Variants in PLXNA2 observed in about 807,000 individuals in gnomAD.
PLXNA2 encodes the protein plexin A2.
In PLXNA2, 91 loss-of-function variants were observed where a neutral mutation model predicts 193.5. That is an observed-to-expected ratio of 0.47 (90% CI 0.40 to 0.56). PLXNA2 has a LOEUF of 0.56. Ranked by LOEUF, PLXNA2 falls within the 20% of genes least tolerant of loss-of-function variation. The pLI is 0.00. For synonymous variants in PLXNA2, 997 were observed against 1,027.3 expected (o/e 0.97, Z 0.56); for missense variants, 1,995 against 2,503.2 (o/e 0.80, Z 4.33).
chr1:208,099,575 T>G (rs1007948324), intron 5 of PLXNA2, among the ~76,000 whole-genome samples: 1 of 152,032 alleles, frequency 6.6e-6, no homozygotes, highest in African/African-American at 2.4e-5. Context: ...TTATTTTTGT[T>G]TGTTTGTTTT....
At chr1:208,216,472 C>G (rs1355183359) in intron 2 of PLXNA2, among the ~76,000 whole-genome samples, 5 of 152,214 alleles carry the variant, frequency 3.3e-5, no homozygotes, top group Non-Finnish European at 1.5e-5. Context: ...ACAGCTGAAG[C>G]CTGCAGCATT....
At chr1:208,229,020 A>G (rs972444756) in intron 1 of PLXNA2, among the ~76,000 whole-genome samples, 13 of 152,174 alleles carry the variant, frequency 8.5e-5, no homozygotes, top group African/African-American at 3.1e-4. Flanking sequence ...AGAGGAGGAA[A>G]GGGGAAAACC....
intron 17 of PLXNA2, among the ~76,000 whole-genome samples, 191 bp downstream of exon 17, chr1:208,050,818 G>A (rs1167858035): frequency 6.6e-6 from 1 of 151,946 alleles, no homozygotes; most frequent in Non-Finnish European, 1.5e-5. Context: ...GACAGGGTGA[G>A]GCCATGTCTT....
At chr1:208,166,639 C>T (rs1290466132) in intron 3 of PLXNA2, among the ~76,000 whole-genome samples, 8 of 152,096 alleles carry the variant, frequency 5.3e-5, no homozygotes, top group Admixed American at 5.2e-4. Flanking sequence ...GAGATAAAGT[C>T]CATGGGTTCC....
At chr1:208,037,611 C>G (rs1664713306) in intron 26 of PLXNA2, among the ~76,000 whole-genome samples, 1 of 152,144 alleles carries the variant, frequency 6.6e-6, no homozygotes, top group East Asian at 1.9e-4. Flanking sequence ...TTTTCTGAAT[C>G]CCAACCTGTC....
chr1:208,080,851 C>G (rs12031641), intron 11 of PLXNA2, among the ~76,000 whole-genome samples: 13,589 of 152,204 alleles, frequency 0.089, 919 homozygotes, highest in East Asian at 0.34. Flanking sequence ...TAAAGGGGAA[C>G]AGTCATTCAT....
At position 208,217,877 on chromosome 1, in the gene PLXNA2, G is replaced by A. The variant is rs765411989; in HGVS notation, c.46C>T (p.Arg16Cys). The A allele has an allele frequency of 2.5e-5, 41 of 1,612,774 alleles. No individual in the cohort carries two copies. Among genetic ancestry groups the A allele is most frequent in the East Asian group, 6.7e-5 (3 of 44,878 alleles). ...ACCACTGAGAGCAGGACCACAGAGC[G>A]GCTGTCCACCTCCAGGGCCCGGGGC... ...PWPRALEVDS[R>C]SVVLLSVVWV... Residue 16 changes from arginine to cysteine, a missense_variant, in exon 2 of 32, where the codon CGC (arginine) becomes TGC (cysteine). Arg to Cys is a radical substitution (Grantham distance 180). Transcript: ENST00000367033. The surrounding 1 kb of genome is among the most constrained non-coding windows in gnomAD (Gnocchi z 4.7).
At chr1:208,239,132 T>C (rs1454999478) in intron 1 of PLXNA2, among the ~76,000 whole-genome samples, 1 of 149,304 alleles carries the variant, frequency 6.7e-6, no homozygotes, top group Non-Finnish European at 1.5e-5. Flanking sequence ...ATATATCTCA[T>C]CTATTAATAT....
chr1:208,176,244 C>T (rs960638161), intron 3 of PLXNA2, among the ~76,000 whole-genome samples: 1 of 152,142 alleles, frequency 6.6e-6, no homozygotes, highest in African/African-American at 2.4e-5. Context: ...GTCCCAGTGG[C>T]CTGCAACTAA....
At position 208,092,874 on chromosome 1, in the gene PLXNA2, A is replaced by G; in HGVS notation, c.2009T>C (p.Phe670Ser). 6.2e-7 allele frequency: 1 copy of G among 1,613,958 alleles called. No homozygotes were observed. The highest frequency in any genetic ancestry group is 8.5e-7 in the Non-Finnish European group (1 of 1,179,908). The change falls in exon 9 of 32, where the codon TTC becomes TCC. Residue 670 changes from phenylalanine (F) to serine (S), a missense_variant. Phe to Ser is a radical substitution (Grantham distance 155). Transcript: ENST00000367033. ...QLCLSCVNSA[F>S]RCHWCKYRNL... ...GCGGTACTTGCACCAATGGCAGCGG[A>G]AGGCGCTGTTGACACAGGACAGGCA...
chr1:208,068,821 T>G (rs1289078422), intron 12 of PLXNA2, among the ~76,000 whole-genome samples: 1 of 152,220 alleles, frequency 6.6e-6, no homozygotes, highest in Non-Finnish European at 1.5e-5. Flanking sequence ...ATTCAGCTGT[T>G]CCCTCCTCCC....
chr1:208,080,725 C>A (rs567972523), intron 11 of PLXNA2, among the ~76,000 whole-genome samples: 1 of 152,320 alleles, frequency 6.6e-6, no homozygotes, highest in South Asian at 2.1e-4. Flanking sequence ...TGAGTACACA[C>A]TGAGCATCTA....
At position 208,044,565 on chromosome 1, in the gene PLXNA2, G is replaced by A. The variant is rs778435254; in HGVS notation, c.3817C>T (p.Arg1273Trp). ...KSRENDLTLK[R>W]LQMQMDNLES... ...AGATTGTCCATCTGCATTTGCAGCCGCTTGAGAGTGAGGTCATTTTCTCGA... is the reference window on the plus strand; with the variant it reads ...AGATTGTCCATCTGCATTTGCAGCCACTTGAGAGTGAGGTCATTTTCTCGA... Residue 1273 changes from arginine to tryptophan, a missense_variant, in exon 20 of 32, where the codon CGG (arginine) becomes TGG (tryptophan). By Grantham distance (101) the Arg-to-Trp change is moderately radical. Around this residue, in one of 3 missense-constraint regions of PLXNA2, gnomAD observed 1,291 missense variants for 1,673.6 expected, o/e 0.77. Coordinates refer to ENST00000367033, the MANE Select transcript of PLXNA2 (RefSeq NM_025179.4). The surrounding 1 kb of genome is among the most constrained non-coding windows in gnomAD (Gnocchi z 4.9). 2.0e-5 allele frequency: 32 copies of A among 1,613,976 alleles called. No homozygotes were observed. In the African/African-American group the frequency reaches 2.1e-4, roughly 11 times the overall value.
chr1:208,174,454 G>A (rs929247680), intron 3 of PLXNA2, among the ~76,000 whole-genome samples: 41 of 152,160 alleles, frequency 2.7e-4, no homozygotes, highest in African/African-American at 8.2e-4. Flanking sequence ...AGGGAAGAAG[G>A]CATTGTCAAA....
chr1:208,106,966 G>GC (rs1667289281), intron 4 of PLXNA2, among the ~76,000 whole-genome samples: 1 of 152,236 alleles, frequency 6.6e-6, no homozygotes, highest in South Asian at 2.1e-4. Context: ...TTTGGTGAGG[G>GC]CAAGGGAGGG....
chr1:208,031,780 A>C, intron 28 of PLXNA2, 21 bp from the exon 29 acceptor site: 2 of 1,562,468 alleles, frequency 1.3e-6, no homozygotes, highest in Non-Finnish European at 1.7e-6. Context: ...GGTGGGGGAG[A>C]GTAAGATGGA....
intron 13 of PLXNA2, among the ~76,000 whole-genome samples, chr1:208,058,402 T>C (rs999560316): frequency 1.2e-4 from 18 of 152,174 alleles, no homozygotes; most frequent in African/African-American, 4.3e-4. Context: ...AGCACAAGCA[T>C]ATGGTGAATC....
chr1:208,188,210 T>C (rs1270939), intron 3 of PLXNA2, among the ~76,000 whole-genome samples: 147,641 of 152,300 alleles, frequency 0.97, 71,735 homozygotes, highest in East Asian at 1. Context: ...TTACACCTAC[T>C]GTAGCCCAAA....
In PLXNA2 at chr1:208,236,838, C is replaced by T. The variant is rs191526855; in HGVS notation, c.-81+6805G>A. Reference sequence around the variant, plus strand: ...TCGGAAATACAAGACTACACATACCCACATCATTCTTGAAGATATAGAATC... The same window carrying T: ...TCGGAAATACAAGACTACACATACCTACATCATTCTTGAAGATATAGAATC... On this transcript the variant is annotated intron_variant, in intron 1 of 31. Coordinates refer to ENST00000367033, the MANE Select transcript of PLXNA2 (RefSeq NM_025179.4). This position sits in a 1 kb window ranked among gnomAD's most constrained non-coding sequence, Gnocchi z 4.4. 6.6e-6 allele frequency among the ~76,000 whole-genome samples: 1 copy of T among 152,336 alleles called. No homozygotes were observed. The highest frequency in any genetic ancestry group is 1.9e-4 in the East Asian group (1 of 5,178).
Sources: gnomAD v4.1 joint callset for allele counts (sites outside exome capture counted in the v4.1 genomes callset) on GRCh38, gnomAD v4.1.1 for gene constraint, gnomAD v4.1.1 regional missense constraint, Gnocchi (gnomAD v3.1) non-coding constraint, MANE v1.5 for transcripts, NCBI Gene and HGNC (gene_info 2026-07-23, HGNC 2026-07-21) for gene names.